HTR1F: variants seen among roughly 807,000 people sequenced by gnomAD.
HTR1F encodes 5-hydroxytryptamine receptor 1F.
A neutral mutation model predicts 24.0 loss-of-function variants in HTR1F; 17 were observed. That is an observed-to-expected ratio of 0.71 (90% CI 0.48 to 1.06). The LOEUF (loss-of-function observed/expected upper bound fraction) is 1.06. Ranked by LOEUF, HTR1F falls within the 50% of genes least tolerant of loss-of-function variation. The pLI, the probability that HTR1F is intolerant of heterozygous loss-of-function variation, is 0.00. For missense variants in HTR1F, 391 were observed against 427.8 expected (o/e 0.91, Z 0.76); for synonymous variants, 186 against 156.8 (o/e 1.19, Z -1.39).
intron 2 of HTR1F, among the ~76,000 whole-genome samples, chr3:87,937,047 C>T (rs112858642): frequency 0.018 from 2,243 of 121,744 alleles, 50 homozygotes; most frequent in African/African-American, 0.067. Flanking sequence ...ACTAGATGTA[C>T]AAAGAAGAGC....
chr3:87,866,813 TGCGTGC>T (rs1705436885), intron 2 of HTR1F, among the ~76,000 whole-genome samples: 1 of 96,144 alleles, frequency 1.0e-5, no homozygotes, highest in African/African-American at 1.0e-4. Context: ...GGCACAAGTG[TGCGTGC>T]GTGTGTGTGT....
chr3:87,807,403 C>T (rs2107086496), intron 1 of HTR1F, among the ~76,000 whole-genome samples: 1 of 151,822 alleles, frequency 6.6e-6, no homozygotes, highest in East Asian at 1.9e-4. Flanking sequence ...GGATTGCCTT[C>T]TTGATTTATT....
At chr3:87,943,200 C>T (rs1242178686) in intron 2 of HTR1F, among the ~76,000 whole-genome samples, 1 of 152,192 alleles carries the variant, frequency 6.6e-6, no homozygotes, top group East Asian at 1.9e-4. Context: ...TGTTGTCATC[C>T]TATCATTGAC....
chr3:87,859,641 A>G (rs887891981), intron 2 of HTR1F, among the ~76,000 whole-genome samples: 1 of 152,222 alleles, frequency 6.6e-6, no homozygotes, highest in African/African-American at 2.4e-5. Flanking sequence ...TGGTGTGGCA[A>G]GCACATGAGA....
intron 1 of HTR1F, among the ~76,000 whole-genome samples, chr3:87,809,487 T>C (rs1217889967): frequency 6.6e-6 from 1 of 152,082 alleles, no homozygotes; most frequent in Non-Finnish European, 1.5e-5. Flanking sequence ...TAGCATGATT[T>C]CTAATTGACA....
At chr3:87,915,043 C>T (rs1039020312) in intron 2 of HTR1F, among the ~76,000 whole-genome samples, 1 of 152,136 alleles carries the variant, frequency 6.6e-6, no homozygotes, top group Non-Finnish European at 1.5e-5. Context: ...ACGACCAACC[C>T]CCAGTACCAG....
At chr3:87,876,205 A>C (rs1705669948) in intron 2 of HTR1F, among the ~76,000 whole-genome samples, 1 of 152,178 alleles carries the variant, frequency 6.6e-6, no homozygotes, top group African/African-American at 2.4e-5. Flanking sequence ...CATTCCTCAA[A>C]AAATTAAAAA....
intron 2 of HTR1F, among the ~76,000 whole-genome samples, chr3:87,841,459 T>C (rs1198919625): frequency 6.6e-6 from 1 of 151,850 alleles, no homozygotes; most frequent in Non-Finnish European, 1.5e-5. Flanking sequence ...TATTAATCCA[T>C]TCTCCCACTA....
At chr3:87,894,029 A>G (rs182584522) in intron 2 of HTR1F, among the ~76,000 whole-genome samples, 33 of 141,948 alleles carry the variant, frequency 2.3e-4, no homozygotes, top group Admixed American at 2.3e-3. Context: ...TTTTATTTCC[A>G]TAGGTTTTGG....
chr3:87,978,062 G>T (rs1409557969), intron 2 of HTR1F, among the ~76,000 whole-genome samples: 8 of 152,216 alleles, frequency 5.3e-5, no homozygotes, highest in African/African-American at 1.9e-4. Context: ...CAAGCTGGCA[G>T]CTGCAGAGGG....
At chr3:87,899,723 G>C (rs540328347) in intron 2 of HTR1F, among the ~76,000 whole-genome samples, 1 of 152,042 alleles carries the variant, frequency 6.6e-6, no homozygotes, top group Non-Finnish European at 1.5e-5. Context: ...AATTTAGACA[G>C]GCATAATGGC....
chr3:87,933,846 T>A (rs1404009645), intron 2 of HTR1F, among the ~76,000 whole-genome samples: 1 of 152,178 alleles, frequency 6.6e-6, no homozygotes, highest in African/African-American at 2.4e-5. Flanking sequence ...ATTAATTCCA[T>A]TCCAGGTTTT....
At chr3:87,848,124 A>T (rs1352339165) in intron 2 of HTR1F, among the ~76,000 whole-genome samples, 1 of 151,936 alleles carries the variant, frequency 6.6e-6, no homozygotes, top group Non-Finnish European at 1.5e-5. Flanking sequence ...ACTAGTTTAC[A>T]TTCTCACTAA....
chr3:87,946,615 A>G (rs769143711), intron 2 of HTR1F, among the ~76,000 whole-genome samples: 76 of 106,366 alleles, frequency 7.1e-4, no homozygotes, highest in Non-Finnish European at 1.3e-3. Context: ...GTGTGTGTAT[A>G]TATATATATA....
At chr3:87,817,188 T>C (rs905244094) in intron 1 of HTR1F, among the ~76,000 whole-genome samples, 6 of 152,162 alleles carry the variant, frequency 3.9e-5, no homozygotes, top group African/African-American at 1.2e-4. Context: ...GGAAAAAGTA[T>C]CAACTTTGCT....
intron 1 of HTR1F, among the ~76,000 whole-genome samples, chr3:87,808,866 C>G (rs888488968): frequency 6.6e-6 from 1 of 151,596 alleles, no homozygotes; most frequent in Non-Finnish European, 1.5e-5. Flanking sequence ...CTTCCTTGAC[C>G]CAGTGGTTGT....
At chr3:87,968,484 T>A (rs967292239) in intron 2 of HTR1F, among the ~76,000 whole-genome samples, 3 of 152,116 alleles carry the variant, frequency 2.0e-5, no homozygotes, top group African/African-American at 4.8e-5. Flanking sequence ...AGTGCTGGGA[T>A]TACAAGCATG....
intron 2 of HTR1F, among the ~76,000 whole-genome samples, chr3:87,868,384 T>C (rs1472009852): frequency 1.3e-5 from 2 of 152,070 alleles, no homozygotes; most frequent in Non-Finnish European, 2.9e-5. Context: ...ATATGGTAGC[T>C]ACTTTCACTT....
At chr3:87,844,076 A>T (rs1451609593) in intron 2 of HTR1F, among the ~76,000 whole-genome samples, 2 of 149,096 alleles carry the variant, frequency 1.3e-5, no homozygotes, top group Non-Finnish European at 3.0e-5. Context: ...TGGTATTTCT[A>T]GTTCTAGATC....
Sources: allele counts gnomAD v4.1 joint callset (sites outside exome capture counted in the v4.1 genomes callset), GRCh38; gene constraint gnomAD v4.1.1; transcripts MANE v1.5; gene names NCBI Gene and HGNC (gene_info 2026-07-23, HGNC 2026-07-21).